The following DLGAP2 variants were observed in gnomAD, a reference collection of about 807,000 sequenced individuals.
DLGAP2 encodes the protein disks large-associated protein 2.
DLGAP2 carries 26 observed loss-of-function variants against 100.3 expected under a neutral mutation model. The ratio of observed to expected loss-of-function variants is 0.26; its 90% CI spans 0.19 to 0.36. DLGAP2 has a LOEUF of 0.36. DLGAP2 is among the 10% of genes least tolerant of loss of function. DLGAP2 has a pLI of 1.00. For synonymous variants in DLGAP2, 886 were observed against 630.1 expected (o/e 1.41, Z -6.08); for missense variants, 1,858 against 1,453.2 (o/e 1.28, Z -4.53).
intron 3 of DLGAP2, among the ~76,000 whole-genome samples, chr8:1,294,873 C>T (rs57581129): frequency 7.8e-5 from 11 of 140,550 alleles, no homozygotes; most frequent in African/African-American, 2.6e-4. Context: ...TGTCTCAAAA[C>T]AAAAAAAAAC....
At chr8:847,131 T>C (rs2128986760) in intron 1 of DLGAP2, among the ~76,000 whole-genome samples, 1 of 152,356 alleles carries the variant, frequency 6.6e-6, no homozygotes, top group South Asian at 2.1e-4. Context: ...TGTGGAAAGA[T>C]TTTAAACCAC....
intron 2 of DLGAP2, among the ~76,000 whole-genome samples, chr8:1,169,882 C>G (rs908223012): frequency 2.0e-5 from 3 of 151,944 alleles, no homozygotes; most frequent in African/African-American, 7.3e-5. Flanking sequence ...ATTTCCTTCT[C>G]CTGCCTAATT....
chr8:1,466,547 G>A (rs966392620), intron 3 of DLGAP2, among the ~76,000 whole-genome samples: 2 of 152,054 alleles, frequency 1.3e-5, no homozygotes, highest in African/African-American at 2.4e-5. Flanking sequence ...GTGTGTGTAT[G>A]TGTGTGTGTC....
At chr8:1,294,065 C>T (rs6558439) in intron 3 of DLGAP2, among the ~76,000 whole-genome samples, 18,621 of 152,138 alleles carry the variant, frequency 0.12, 1,471 homozygotes, top group East Asian at 0.24. Context: ...GGAATGGACT[C>T]GCCCTCGCTT....
chr8:1,513,531 C>G (rs1372690077), intron 4 of DLGAP2, among the ~76,000 whole-genome samples: 5 of 152,246 alleles, frequency 3.3e-5, no homozygotes, highest in Non-Finnish European at 7.3e-5. Flanking sequence ...AGTGGTTTGC[C>G]TCTGTGGCAT....
At chr8:1,250,588 C>T (rs1158092081) in intron 2 of DLGAP2, 1 of 152,154 alleles carries the variant, frequency 6.6e-6, no homozygotes, top group African/African-American at 2.4e-5. Flanking sequence ...TATCTCGGTC[C>T]AGAAGCAATA....
intron 1 of DLGAP2, among the ~76,000 whole-genome samples, chr8:861,284 G>A (rs1181249396): frequency 6.6e-6 from 1 of 152,136 alleles, no homozygotes; most frequent in African/African-American, 2.4e-5. Flanking sequence ...GAGCTGCGTA[G>A]GTTAGGTACA....
At chr8:1,634,549 T>C (rs2130783704) in intron 8 of DLGAP2, among the ~76,000 whole-genome samples, 1 of 152,340 alleles carries the variant, frequency 6.6e-6, no homozygotes, top group African/African-American at 2.4e-5. Context: ...CCAGTTCTCA[T>C]GCTCTGTCCT....
chr8:804,795 T>A (rs1371976330), intron 1 of DLGAP2, among the ~76,000 whole-genome samples: 2 of 152,226 alleles, frequency 1.3e-5, no homozygotes, highest in Admixed American at 1.3e-4. Context: ...GGACAGAGTC[T>A]CACTTTGTCA....
chr8:801,050 A>G (rs1344797443), intron 1 of DLGAP2, among the ~76,000 whole-genome samples: 1 of 136,652 alleles, frequency 7.3e-6, no homozygotes, highest in Non-Finnish European at 1.5e-5. Flanking sequence ...TCCTGTTGAT[A>G]TTAACCTCTC....
At chr8:1,280,924 T>C (rs973254680) in intron 3 of DLGAP2, among the ~76,000 whole-genome samples, 15 of 152,298 alleles carry the variant, frequency 9.8e-5, no homozygotes, top group Middle Eastern at 6.8e-3. Context: ...GTCCACTGCG[T>C]TTGTATCAGA....
intron 2 of DLGAP2, among the ~76,000 whole-genome samples, chr8:1,134,718 C>T (rs1010455380): frequency 3.9e-5 from 6 of 152,108 alleles, no homozygotes; most frequent in Non-Finnish European, 5.9e-5. Flanking sequence ...GCTGGGGAGG[C>T]CTCAGGAAAC....
intron 3 of DLGAP2, among the ~76,000 whole-genome samples, chr8:1,454,000 C>T (rs1187445858): frequency 1.3e-5 from 2 of 152,228 alleles, no homozygotes; most frequent in Non-Finnish European, 2.9e-5. Context: ...GGCGTGGCCT[C>T]CTGCCAGGCA....
chr8:1,054,519 A>G (rs930497856), intron 2 of DLGAP2, among the ~76,000 whole-genome samples: 2 of 152,228 alleles, frequency 1.3e-5, no homozygotes, highest in African/African-American at 4.8e-5. Flanking sequence ...CTTACTGTAT[A>G]TTAGAATATA....
intron 2 of DLGAP2, among the ~76,000 whole-genome samples, chr8:1,031,370 T>C (rs1801967125): frequency 6.6e-6 from 1 of 152,158 alleles, no homozygotes; most frequent in Non-Finnish European, 1.5e-5. Flanking sequence ...AGGACTGACA[T>C]CGAGATTTCT....
intron 4 of DLGAP2, among the ~76,000 whole-genome samples, chr8:1,538,138 TG>T (rs1801219606): frequency 6.6e-6 from 1 of 152,206 alleles, no homozygotes; most frequent in Non-Finnish European, 1.5e-5. Context: ...CCATGCAGCA[TG>T]GCCTCAGTCC....
At chr8:1,464,318 C>G (rs1798554514) in intron 3 of DLGAP2, among the ~76,000 whole-genome samples, 6 of 113,180 alleles carry the variant, frequency 5.3e-5, no homozygotes, top group African/African-American at 1.1e-4. Flanking sequence ...TCCAGGACAA[C>G]GCCCTTCCAG....
rs75693098 is a variant in DLGAP2, at chr8:1,545,210, A to C, written c.173-3416A>C. Among the ~76,000 whole-genome samples the C allele has an allele frequency of 4.6e-3, 696 of 152,052 alleles. 2 individuals are homozygous for C. Among genetic ancestry groups the C allele is most frequent in the African/African-American group, 0.016 (662 of 41,480 alleles). On this transcript the variant is annotated intron_variant, in intron 4 of 14. Transcript: ENST00000637795. ...GGAGACTTTGAGAGGGATCGGTGTT[A>C]ATTCTTTTTTAAATATTGATAGAAT...
intron 4 of DLGAP2, among the ~76,000 whole-genome samples, chr8:1,548,327 CAGG>C (rs1801615294): frequency 6.7e-6 from 1 of 149,372 alleles, no homozygotes; most frequent in African/African-American, 2.5e-5. Flanking sequence ...GGCGTGGTGG[CAGG>C]CGCCTGTAGT....
Sources: gnomAD v4.1 joint callset for allele counts (sites outside exome capture counted in the v4.1 genomes callset) on GRCh38, gnomAD v4.1.1 for gene constraint, MANE v1.5 for transcripts, NCBI Gene and HGNC (gene_info 2026-07-23, HGNC 2026-07-21) for gene names.